Variants in FAM13C observed in about 807,000 individuals in gnomAD.
The protein encoded by FAM13C is protein FAM13C.
A neutral mutation model predicts 73.2 loss-of-function variants in FAM13C; 37 were observed. The observed-to-expected ratio is 0.51, with a 90% CI of 0.39 to 0.67. The LOEUF (loss-of-function observed/expected upper bound fraction) is 0.67. Among genes scored for constraint, FAM13C ranks in the 30% least tolerant of loss-of-function variants. The probability of loss-of-function intolerance (pLI) is 0.00; values close to 1 mark genes in which losing one functional copy is unlikely to be tolerated. For missense variants in FAM13C, 589 were observed against 715.6 expected (o/e 0.82, Z 2.02); for synonymous variants, 246 against 260.9 (o/e 0.94, Z 0.55).
At chr10:59,351,430 T>C (rs980468781) in intron 3 of FAM13C, among the ~76,000 whole-genome samples, 4 of 152,094 alleles carry the variant, frequency 2.6e-5, no homozygotes, top group African/African-American at 9.7e-5. Flanking sequence ...AAAATATCCA[T>C]TTACTATCAA....
Position 59,262,704 on chromosome 10 carries a change from A to G in FAM13C, c.1025-59T>C, listed in dbSNP as rs140859038. The G allele has an allele frequency of 5.4e-4, 773 of 1,430,032 alleles. 5 individuals are homozygous for G. In the African/African-American group the frequency reaches 7.8e-3, roughly 14 times the overall value. 88.6% of individuals were successfully genotyped at this position (1,430,032 alleles called of 1,614,324 possible). A position where few individuals can be genotyped will look rare whatever the true frequency, so the allele number is the denominator to read the frequency against. ...GAGAACCCACTAGTTCTAAGAATGG[A>G]GAGACTTTCAGGAATTCCTTCCCCT... is the stretch of plus-strand genomic sequence containing the variant. On this transcript the variant is annotated intron_variant, in intron 9 of 13. Coordinates refer to ENST00000618804, the MANE Select transcript of FAM13C (RefSeq NM_198215.4).
At chr10:59,258,842 A>AT (rs1163903533) in intron 10 of FAM13C, among the ~76,000 whole-genome samples, 1 of 151,930 alleles carries the variant, frequency 6.6e-6, no homozygotes, top group Non-Finnish European at 1.5e-5. Context: ...TTTTTTATTG[A>AT]TTTTTTCCAG....
intron 5 of FAM13C, 124 bp downstream of exon 5, chr10:59,302,677 A>G: frequency 1.2e-6 from 1 of 816,972 alleles, no homozygotes; most frequent in Non-Finnish European, 2.0e-6. Context: ...TAAGTATTAC[A>G]AGTTCACTTA....
chr10:59,349,119 C>T (rs962473820), intron 3 of FAM13C, among the ~76,000 whole-genome samples: 1 of 152,160 alleles, frequency 6.6e-6, no homozygotes, highest in Non-Finnish European at 1.5e-5. Context: ...ACATTACGTG[C>T]TATGCTTATT....
At position 59,251,491 on chromosome 10, in the gene FAM13C, C is replaced by G. The variant is rs757666138; in HGVS notation, c.1634+84G>C. 6.7e-6 allele frequency: 8 copies of G among 1,200,600 alleles called. No individual in the cohort carries two copies. The Admixed American group carries it at 1.4e-4, about 21-fold the overall frequency. The allele number at this position is 1,200,600 out of a possible 1,614,324, so 74.4% of individuals were successfully genotyped here. On this transcript the variant is annotated intron_variant, in intron 13 of 13. Transcript: ENST00000618804. ...TTATATACATTTTGTAAAAAGTCAC[C>G]GTTCCTGCAAAAAATTGCAGCTCAT... is the stretch of plus-strand genomic sequence containing the variant.
At chr10:59,360,040 C>T (rs945658739) in intron 1 of FAM13C, among the ~76,000 whole-genome samples, 1 of 152,134 alleles carries the variant, frequency 6.6e-6, no homozygotes, top group African/African-American at 2.4e-5. Flanking sequence ...TTGAATTTGT[C>T]TAGAGCTGCA....
chr10:59,332,948 T>C (rs1564598648), intron 3 of FAM13C, among the ~76,000 whole-genome samples: 3 of 152,264 alleles, frequency 2.0e-5, no homozygotes, highest in South Asian at 2.1e-4. Flanking sequence ...AAATAGGAAA[T>C]GCTAATTTCT....
intron 6 of FAM13C, among the ~76,000 whole-genome samples, chr10:59,275,287 A>G (rs916636109): frequency 7.9e-5 from 12 of 152,172 alleles, no homozygotes; most frequent in African/African-American, 2.7e-4. Context: ...AGGCTGAATT[A>G]GCCAATTCAC....
chr10:59,261,971 C>A (rs1842548061), intron 10 of FAM13C, among the ~76,000 whole-genome samples: 1 of 152,006 alleles, frequency 6.6e-6, no homozygotes, highest in Admixed American at 6.6e-5. Context: ...ACTTAACTCT[C>A]CCAAAAAACT....
At chr10:59,264,215 A>T in intron 8 of FAM13C, 49 bp from the exon 9 acceptor site, 215 of 678,752 alleles carry the variant, frequency 3.2e-4, no homozygotes, top group Non-Finnish European at 4.8e-4. Context: ...AAGGAGGGAG[A>T]GGGTGGGGGA....
chr10:59,362,734 G>T (rs1856560375), upstream of FAM13C: 1 of 591,958 alleles, frequency 1.7e-6, no homozygotes, highest in Admixed American at 3.7e-5. Context: ...AGGAGCACCT[G>T]GAGAGTTACC....
chr10:59,254,469 T>G, intron 10 of FAM13C, 26 bp from the exon 11 acceptor site: 1 of 1,332,186 alleles, frequency 7.5e-7, no homozygotes, highest in Non-Finnish European at 1.0e-6. Context: ...TTAATTATTA[T>G]TCCTCTCTCA....
At chr10:59,271,691 T>C (rs976548181) in intron 6 of FAM13C, among the ~76,000 whole-genome samples, 1 of 152,206 alleles carries the variant, frequency 6.6e-6, no homozygotes, top group Non-Finnish European at 1.5e-5. Flanking sequence ...CAATAACTCA[T>C]AGCATATAAT....
chr10:59,250,837 C>T (rs1272790467), intron 13 of FAM13C, among the ~76,000 whole-genome samples: 1 of 152,184 alleles, frequency 6.6e-6, no homozygotes, highest in East Asian at 1.9e-4. Context: ...TCCCACATGA[C>T]AGCTGTAGCT....
intron 4 of FAM13C, among the ~76,000 whole-genome samples, chr10:59,321,441 T>C (rs866707785): frequency 0.012 from 1,777 of 145,860 alleles, 45 homozygotes; most frequent in African/African-American, 0.044. Context: ...CCTTTTTTTT[T>C]TTTTTTTTTT....
intron 8 of FAM13C, among the ~76,000 whole-genome samples, chr10:59,267,136 A>G (rs568588732): frequency 1.5e-3 from 222 of 152,332 alleles, no homozygotes; most frequent in Non-Finnish European, 2.7e-3. Flanking sequence ...GAACTGCCAG[A>G]TAAGAAGTGT....
chr10:59,264,972 G>T, intron 8 of FAM13C, among the ~76,000 whole-genome samples: 1 of 152,012 alleles, frequency 6.6e-6, no homozygotes, highest in East Asian at 1.9e-4. Flanking sequence ...TGAAATATGT[G>T]CATTGTTAAT....
chr10:59,304,783 G>GGGAA (rs1168229557), intron 4 of FAM13C, among the ~76,000 whole-genome samples: 1 of 95,694 alleles, frequency 1.0e-5, no homozygotes, highest in Admixed American at 1.1e-4. Context: ...GGGAAGGGAA[G>GGGAA]GGAAGGGAAG....
intron 3 of FAM13C, among the ~76,000 whole-genome samples, chr10:59,349,674 G>A (rs777791448): frequency 2.6e-5 from 4 of 152,110 alleles, no homozygotes; most frequent in Non-Finnish European, 5.9e-5. Context: ...GAGGCAGGAG[G>A]ATCCCTTGAG....
Sources: gnomAD v4.1 joint callset for allele counts (sites outside exome capture counted in the v4.1 genomes callset) on GRCh38, gnomAD v4.1.1 for gene constraint, MANE v1.5 for transcripts, NCBI Gene and HGNC (gene_info 2026-07-23, HGNC 2026-07-21) for gene names.